Variants in GCLC observed in about 807,000 individuals in gnomAD.
The protein encoded by GCLC is glutamate--cysteine ligase catalytic subunit.
A neutral mutation model predicts 81.5 loss-of-function variants in GCLC; 30 were observed. That is an observed-to-expected ratio of 0.37 (90% CI 0.28 to 0.50). GCLC has a LOEUF of 0.50. Ranked by LOEUF, GCLC falls within the 20% of genes least tolerant of loss-of-function variation. The pLI is 0.96. For synonymous variants in GCLC, 262 were observed against 273.3 expected (o/e 0.96, Z 0.41); for missense variants, 556 against 777.4 (o/e 0.72, Z 3.39).
At position 53,544,967 on chromosome 6, in the gene GCLC, C is replaced by T. The variant is rs1302347821; in HGVS notation, c.-322G>A. ...CCCGCTCCGATGCGGCGGCGGCGGA[C>T]CCCACGGCCGCGCTGCCGCGGCGGC... On this transcript the variant is annotated 5_prime_UTR_variant, in exon 1 of 16. Transcript: ENST00000650454. The T allele has an allele frequency of 4.9e-6, 1 of 202,550 alleles. No individual in the cohort carries two copies. Among genetic ancestry groups the T allele is most frequent in the Non-Finnish European group, 9.9e-6 (1 of 101,498 alleles). 12.5% of individuals were successfully genotyped at this position (202,550 alleles called of 1,614,324 possible). A position where few individuals can be genotyped will look rare whatever the true frequency, so the allele number is the denominator to read the frequency against.
At position 53,500,659 on chromosome 6, in the gene GCLC, CTTTT is replaced by C. The variant is rs1764493824; in HGVS notation, c.1396-150_1396-147del. The C allele has an allele frequency of 8.2e-5, 57 of 696,276 alleles. No individual in the cohort carries two copies. The South Asian group carries it at 8.9e-4, about 11-fold the overall frequency. The allele number at this position is 696,276 out of a possible 1,614,324, so 43.1% of individuals were successfully genotyped here. ...AATGCTTCCCAGTGGGAGGAACAGG[CTTTT>C]TATTTATGTGAGGACTGTATCACTC... On this transcript the variant is annotated intron_variant, in intron 12 of 15. Transcript: ENST00000650454.
intron 1 of GCLC, chr6:53,522,731 T>C: frequency 2.0e-6 from 1 of 502,854 alleles, no homozygotes; most frequent in Non-Finnish European, 3.6e-6. Flanking sequence ...TAGTGCCACT[T>C]CCATCCCTTC....
intron 15 of GCLC, 151 bp downstream of exon 15, chr6:53,499,894 G>C: frequency 3.0e-6 from 2 of 660,686 alleles, no homozygotes; most frequent in South Asian, 3.7e-5. Context: ...GAGTGTCAAA[G>C]ATTATAAGGT....
chr6:53,522,435 C>G lies in GCLC; in HGVS notation c.243G>C (p.Lys81Asn), dbSNP rs1324347717. 1.9e-6 allele frequency: 3 copies of G among 1,607,030 alleles called. No homozygotes were observed. In the East Asian group the frequency reaches 6.7e-5, roughly 36 times the overall value. Residue 81 changes from lysine to asparagine, a missense_variant, in exon 2 of 16, where the codon AAG becomes AAC. This residue lies in a region of GCLC where 234 missense variants were observed against 303.8 expected (regional missense o/e 0.77). Coordinates refer to ENST00000650454, the MANE Select transcript of GCLC (RefSeq NM_001498.4). ...CTTACTTTGGGTTTGTCCTTTCCCC[C>G]TTCTCTTGCAGAGTTTCAAGAACTT... is the stretch of plus-strand genomic sequence containing the variant. ...GEKVLETLQE[K>N]GERTNPNHPT...
intron 12 of GCLC, chr6:53,500,751 A>G (rs1764495182): frequency 1.8e-6 from 1 of 570,120 alleles, no homozygotes; most frequent in African/African-American, 1.9e-5. Context: ...CTTAAAACCC[A>G]AAACTTATAT....
intron 11 of GCLC, 69 bp from the exon 12 acceptor site, chr6:53,505,565 C>A (rs1312484702): frequency 1.5e-5 from 13 of 867,102 alleles, no homozygotes; most frequent in Non-Finnish European, 2.2e-5. Context: ...GACCCAGGCC[C>A]TTCCTCAGAT....
At chr6:53,530,667 T>C (rs973070703) in intron 1 of GCLC, among the ~76,000 whole-genome samples, 18 of 152,208 alleles carry the variant, frequency 1.2e-4, no homozygotes, top group Non-Finnish European at 2.1e-4. Flanking sequence ...GCATTTGTCC[T>C]GCAGACCGAG....
At chr6:53,504,221 CT>C (rs3063831) in intron 12 of GCLC, among the ~76,000 whole-genome samples, 58,425 of 149,920 alleles carry the variant, frequency 0.39, 12,064 homozygotes, top group African/African-American at 0.51. Flanking sequence ...TTTCCAGTTG[CT>C]TTTTTTTTTC....
intron 6 of GCLC, among the ~76,000 whole-genome samples, chr6:53,512,411 C>G (rs1167379427): frequency 6.8e-6 from 1 of 147,002 alleles, no homozygotes; most frequent in East Asian, 2.0e-4. Context: ...TTTTTTTTTT[C>G]CATCTCTCTA....
intron 3 of GCLC, among the ~76,000 whole-genome samples, chr6:53,517,899 T>C (rs1448252635): frequency 1.3e-5 from 2 of 152,230 alleles, no homozygotes; most frequent in African/African-American, 4.8e-5. Context: ...TTTTATATAA[T>C]TTTAATTTTA....
chr6:53,512,266 T>G (rs1224941347), intron 6 of GCLC, among the ~76,000 whole-genome samples: 1 of 152,160 alleles, frequency 6.6e-6, no homozygotes, highest in African/African-American at 2.4e-5. Flanking sequence ...GCTTTTTAAG[T>G]GATTCCTGAA....
intron 3 of GCLC, among the ~76,000 whole-genome samples, chr6:53,517,098 T>TTTTC (rs1764890562): frequency 6.8e-6 from 1 of 147,640 alleles, no homozygotes; most frequent in Non-Finnish European, 1.5e-5. Context: ...TTTTTTTTTT[T>TTTTC]TTTTCTGAGA....
At chr6:53,505,533 C>A in intron 11 of GCLC, 37 bp from the exon 12 acceptor site, 1 of 1,070,888 alleles carries the variant, frequency 9.3e-7, no homozygotes, top group Non-Finnish European at 1.5e-6. Flanking sequence ...TATGAACCAA[C>A]TACACAAACA....
At position 53,505,421 on chromosome 6, in the gene GCLC, T is replaced by A; in HGVS notation, c.1366A>T (p.Lys456Ter). The change falls in exon 12 of 16, where the codon AAA (lysine) becomes TAA (stop). Residue 456 changes from lysine to a stop codon, truncating the protein, a stop_gained. Transcript: ENST00000650454. LOFTEE classifies it high-confidence loss of function. Reference protein sequence around the residue: ...VLLTRVILSYKLDFLIPLSKV... With the variant: ...VLLTRVILSY ...GACAGTGGAATGAGAAAATCCAATTTGTAGGAAAGGATCACTCTGGTGAGC... is the reference window on the plus strand; with the variant it reads ...GACAGTGGAATGAGAAAATCCAATTAGTAGGAAAGGATCACTCTGGTGAGC... 6.3e-7 allele frequency: 1 copy of A among 1,596,240 alleles called. No homozygotes were observed. Among genetic ancestry groups the A allele is most frequent in the Non-Finnish European group, 8.6e-7 (1 of 1,163,942 alleles).
chr6:53,540,706 A>AC (rs1561953695), intron 1 of GCLC, among the ~76,000 whole-genome samples: 2 of 119,300 alleles, frequency 1.7e-5, no homozygotes, highest in Non-Finnish European at 3.4e-5. Context: ...CACACACACA[A>AC]AAGTCCTGGT....
intron 1 of GCLC, among the ~76,000 whole-genome samples, chr6:53,533,295 G>A (rs1581747468): frequency 6.6e-6 from 1 of 152,154 alleles, no homozygotes; most frequent in African/African-American, 2.4e-5. Flanking sequence ...GGGCTTTGTG[G>A]CATTTATTTT....
At chr6:53,505,612 G>C in intron 11 of GCLC, 116 bp from the exon 12 acceptor site, 1 of 754,516 alleles carries the variant, frequency 1.3e-6, no homozygotes, top group Middle Eastern at 2.3e-4. Flanking sequence ...TTCCCCATCT[G>C]GGTCTGGAAG....
intron 1 of GCLC, among the ~76,000 whole-genome samples, chr6:53,542,314 C>A (rs1476275084): frequency 1.3e-5 from 2 of 152,078 alleles, no homozygotes; most frequent in African/African-American, 4.8e-5. Flanking sequence ...TTTCCAAGCC[C>A]CTTGATCTTT....
chr6:53,528,137 T>C (rs1763115038), intron 1 of GCLC, among the ~76,000 whole-genome samples: 1 of 152,228 alleles, frequency 6.6e-6, no homozygotes, highest in Non-Finnish European at 1.5e-5. Context: ...TGATGCTACT[T>C]AATTTTTAAA....
Sources: gnomAD v4.1 joint callset for allele counts (sites outside exome capture counted in the v4.1 genomes callset) on GRCh38, gnomAD v4.1.1 for gene constraint, gnomAD v4.1.1 regional missense constraint, MANE v1.5 for transcripts, NCBI Gene and HGNC (gene_info 2026-07-23, HGNC 2026-07-21) for gene names.